Variants in TMEM26 observed in about 807,000 individuals in gnomAD.
The protein encoded by TMEM26 is transmembrane protein 26.
TMEM26 carries 38 observed loss-of-function variants against 28.8 expected under a neutral mutation model. That is an observed-to-expected ratio of 1.32 (90% CI 1.02 to 1.73). TMEM26 has a LOEUF of 1.73. Among genes scored for constraint, TMEM26 ranks in the 40% most tolerant of loss-of-function variants. The probability of loss-of-function intolerance (pLI) is 0.00; values close to 1 mark genes in which losing one functional copy is unlikely to be tolerated. For synonymous variants in TMEM26, 227 were observed against 182.9 expected (o/e 1.24, Z -1.95); for missense variants, 518 against 447.1 (o/e 1.16, Z -1.43).
chr10:61,413,838 G>T, intron 4 of TMEM26: 7 of 1,026,306 alleles, frequency 6.8e-6, no homozygotes, highest in Non-Finnish European at 8.2e-6. Flanking sequence ...AAAATGATAG[G>T]GGAGAAAATA....
At chr10:61,433,744 A>C (rs1003092775) in intron 2 of TMEM26, among the ~76,000 whole-genome samples, 3 of 152,128 alleles carry the variant, frequency 2.0e-5, no homozygotes, top group African/African-American at 7.2e-5. Flanking sequence ...AAAGAAAATT[A>C]AATTACTCTT....
At chr10:61,452,365 G>C (rs889445492) in intron 1 of TMEM26, among the ~76,000 whole-genome samples, 7 of 152,252 alleles carry the variant, frequency 4.6e-5, no homozygotes, top group Non-Finnish European at 1.0e-4. Context: ...CGCGCGGCTG[G>C]AGGGAAGGGA....
Position 61,431,327 on chromosome 10 carries a change from G to A in TMEM26, c.276C>T (p.Cys92=), listed in dbSNP as rs780966720. The A allele has an allele frequency of 5.0e-6, 8 of 1,612,134 alleles. No individual in the cohort carries two copies. The African/African-American group carries it at 5.3e-5, about 11-fold the overall frequency. The change falls in exon 3 of 6, where the codon TGC becomes TGT. Residue 92 remains cysteine, a synonymous_variant. Transcript: ENST00000399298. ...LLELHHETQY[C]SIQAEGTSQN... The stretch of plus-strand genomic sequence containing the variant: ...GTGATGTTCCTTCAGCCTGGATACT[G>A]CAATACTAAGAATGGGGTCAGGGAA...
rs543757006 is a variant in TMEM26, at chr10:61,443,172, G to A, written c.192-6924C>T. On this transcript the variant is annotated intron_variant, in intron 1 of 5. Transcript: ENST00000399298. The stretch of plus-strand genomic sequence containing the variant: ...AAGTTTTAAAAGGTGCCAAGATCAG[G>A]CCCGGTGCAGTGTGTCACGCCTGTA... 5.3e-5 allele frequency among the ~76,000 whole-genome samples: 8 copies of A among 152,046 alleles called. No homozygotes were observed. The South Asian group carries it at 1.5e-3, about 28-fold the overall frequency.
At chr10:61,444,710 T>A (rs535899848) in intron 1 of TMEM26, among the ~76,000 whole-genome samples, 59 of 146,642 alleles carry the variant, frequency 4.0e-4, no homozygotes, top group African/African-American at 1.3e-3. Context: ...CTACAGAAAA[T>A]CCTTGACCCT....
At chr10:61,448,360 A>C (rs1256228910) in intron 1 of TMEM26, among the ~76,000 whole-genome samples, 1 of 152,218 alleles carries the variant, frequency 6.6e-6, no homozygotes, top group East Asian at 1.9e-4. Flanking sequence ...CTCTCAACTG[A>C]CAACTAACTG....
chr10:61,445,986 C>T (rs115108397), intron 1 of TMEM26, among the ~76,000 whole-genome samples: 34 of 151,248 alleles, frequency 2.2e-4, no homozygotes, highest in African/African-American at 8.3e-4. Flanking sequence ...CTTTGTTTTT[C>T]TCCAGTCAAG....
chr10:61,445,998 A>G (rs1840174040), intron 1 of TMEM26, among the ~76,000 whole-genome samples: 1 of 145,408 alleles, frequency 6.9e-6, no homozygotes, highest in Admixed American at 6.7e-5. Flanking sequence ...CCAGTCAAGT[A>G]CAAGAAGTGA....
Position 61,413,445 on chromosome 10 carries a change from A to G in TMEM26, c.682+14T>C. ...TAATTTTCTATTTCTTTGCACAAAC[A>G]TCAGGATACTTACCTGCCAGGTCAA... On this transcript the variant is annotated intron_variant, in intron 5 of 5. Coordinates refer to ENST00000399298, the MANE Select transcript of TMEM26 (RefSeq NM_178505.8). 1 of 1,609,430 alleles carries G rather than the reference A, an allele frequency of 6.2e-7. No homozygotes were observed. The highest frequency in any genetic ancestry group is 8.5e-7 in the Non-Finnish European group (1 of 1,178,324).
chr10:61,414,998 T>G (rs1839627715), intron 4 of TMEM26: 1 of 985,272 alleles, frequency 1.0e-6, no homozygotes, highest in Admixed American at 6.2e-5. Context: ...AATGGGTTGT[T>G]GAAGGCTGTG....
rs115212903 is a variant in TMEM26, at chr10:61,414,216, G to C, written c.606-681C>G. 383 of 277,628 alleles carry C rather than the reference G, an allele frequency of 1.4e-3. 1 individual carries two copies. Among genetic ancestry groups the C allele is most frequent in the African/African-American group, 8.4e-3 (368 of 43,764 alleles). 17.2% of individuals were successfully genotyped at this position (277,628 alleles called of 1,614,324 possible). Reference sequence around the variant, plus strand: ...CTCAGACAAATATACAAATGTCCTAGACCTAGGAAAATGGTCATGAAGGCT... The same window carrying C: ...CTCAGACAAATATACAAATGTCCTACACCTAGGAAAATGGTCATGAAGGCT... On this transcript the variant is annotated intron_variant, in intron 4 of 5. Coordinates refer to ENST00000399298, the MANE Select transcript of TMEM26 (RefSeq NM_178505.8).
chr10:61,446,166 C>A (rs572376924), intron 1 of TMEM26, among the ~76,000 whole-genome samples: 1 of 152,222 alleles, frequency 6.6e-6, no homozygotes, highest in African/African-American at 2.4e-5. Flanking sequence ...TTATGTGAGG[C>A]AAAAGAAGGA....
chr10:61,431,176 A>G, intron 3 of TMEM26, 43 bp downstream of exon 3: 1 of 1,514,042 alleles, frequency 6.6e-7, no homozygotes. Flanking sequence ...TACCAAGTCC[A>G]CCATTTTCTA....
chr10:61,411,051 C>T (rs148735286), intron 5 of TMEM26, among the ~76,000 whole-genome samples: 1 of 152,266 alleles, frequency 6.6e-6, no homozygotes, highest in African/African-American at 2.4e-5. Context: ...AGCCCAAGCT[C>T]CTTGTGAGGC....
Position 61,436,191 on chromosome 10 carries a change from A to G in TMEM26, c.249T>C (p.Leu83=). The G allele has an allele frequency of 6.2e-7, 1 of 1,609,778 alleles. No individual in the cohort carries two copies. Residue 83 remains leucine (L), a synonymous_variant, in exon 2 of 6, where the codon CTT becomes CTC. Coordinates refer to ENST00000399298, the MANE Select transcript of TMEM26 (RefSeq NM_178505.8). ...LISIVPSLWL[L]ELHHETQYCS... ...GTACCTGGGTCTCATGGTGCAATTC[A>G]AGAAGCCATAATGATGGAACGATGC... is the stretch of plus-strand genomic sequence containing the variant.
At chr10:61,429,290 A>C in intron 3 of TMEM26, 144 bp from the exon 4 acceptor site, 1 of 672,688 alleles carries the variant, frequency 1.5e-6, no homozygotes, top group South Asian at 1.9e-5. Flanking sequence ...AAGAAAGTAA[A>C]ATGCCTTTCA....
Position 61,410,633 on chromosome 10 carries a change from C to T in TMEM26, c.796G>A (p.Gly266Ser), listed in dbSNP as rs1839554618. The T allele has an allele frequency of 6.2e-7, 1 of 1,614,092 alleles. No homozygotes were observed. The highest frequency in any genetic ancestry group is 8.5e-7 in the Non-Finnish European group (1 of 1,180,012). Residue 266 changes from glycine (G) to serine (S), a missense_variant, in exon 6 of 6, where the codon GGC becomes AGC. Gly to Ser is a moderately conservative substitution (Grantham distance 56, BLOSUM62 0). Transcript: ENST00000399298. ...ATGAGACGCACGACAAGGAAGGGGCCATCTTGTATGAAGACGCTGATTCCG... is the reference window on the plus strand; with the variant it reads ...ATGAGACGCACGACAAGGAAGGGGCTATCTTGTATGAAGACGCTGATTCCG... Reference protein sequence around the residue: ...NIGISVFIQDGPFLVVRLILM... With the variant: ...NIGISVFIQDSPFLVVRLILM...
chr10:61,445,884 C>T (rs894493881), intron 1 of TMEM26, among the ~76,000 whole-genome samples: 1 of 152,018 alleles, frequency 6.6e-6, no homozygotes, highest in African/African-American at 2.4e-5. Context: ...ATGCTGTATG[C>T]ATAATGTCAC....
At chr10:61,439,493 T>C (rs1840058278) in intron 1 of TMEM26, among the ~76,000 whole-genome samples, 3 of 152,246 alleles carry the variant, frequency 2.0e-5, no homozygotes, top group African/African-American at 4.8e-5. Flanking sequence ...AGACTACTGA[T>C]ATCTACAAGG....
Sources: gnomAD v4.1 joint callset for allele counts (sites outside exome capture counted in the v4.1 genomes callset) on GRCh38, gnomAD v4.1.1 for gene constraint, MANE v1.5 for transcripts, NCBI Gene and HGNC (gene_info 2026-07-23, HGNC 2026-07-21) for gene names.